PRDM8: variants seen among roughly 807,000 people sequenced by gnomAD.
The protein encoded by PRDM8 is PR domain zinc finger protein 8.
A neutral mutation model predicts 46.5 loss-of-function variants in PRDM8; 13 were observed. The ratio of observed to expected loss-of-function variants is 0.28; its 90% CI spans 0.18 to 0.44. PRDM8 has a LOEUF of 0.44. Ranked by LOEUF, PRDM8 falls within the 20% of genes least tolerant of loss-of-function variation. The pLI is 1.00. For missense variants in PRDM8, 998 were observed against 955.0 expected (o/e 1.04, Z -0.59); for synonymous variants, 473 against 438.4 (o/e 1.08, Z -0.98).
Position 80,201,413 on chromosome 4 carries a change from C to A in PRDM8, c.343C>A (p.Arg115Ser). ...AYIKNGQLFYRSLRRIAKDEE... is the reference protein window; with the variant it reads ...AYIKNGQLFYSSLRRIAKDEE... Reference sequence around the variant, plus strand: ...CATAAAAAACGGACAGCTGTTCTACCGCTCTCTCCGCAGGATTGCCAAAGA... The same window carrying A: ...CATAAAAAACGGACAGCTGTTCTACAGCTCTCTCCGCAGGATTGCCAAAGA... The change falls in exon 3 of 4, where the codon CGC becomes AGC. Residue 115 changes from arginine (R) to serine (S), a missense_variant. Transcript: ENST00000415738. 1.2e-6 allele frequency: 2 copies of A among 1,614,214 alleles called. No individual in the cohort carries two copies. The highest frequency in any genetic ancestry group is 1.7e-6 in the Non-Finnish European group (2 of 1,180,038).
chr4:80,191,020 C>A (rs975963412), intron 1 of PRDM8, among the ~76,000 whole-genome samples: 2 of 152,190 alleles, frequency 1.3e-5, no homozygotes, highest in South Asian at 2.1e-4. Flanking sequence ...GAAATATATT[C>A]TTTATAGCTA....
chr4:80,202,541 G>A lies in PRDM8; in HGVS notation c.1079G>A (p.Ser360Asn). The A allele has an allele frequency of 6.5e-7, 1 of 1,535,764 alleles. No homozygotes were observed. Among genetic ancestry groups the A allele is most frequent in the Non-Finnish European group, 8.7e-7 (1 of 1,146,444 alleles). The change falls in exon 4 of 4, where the codon AGC becomes AAC. Residue 360 changes from serine to asparagine, a missense_variant. Transcript: ENST00000415738. The part of the protein sequence containing the change: ...CTPQQYRASG[S>N]YFGLEENGRL... ...CCGCAGCAGTACCGAGCCTCGGGCA[G>A]CTACTTCGGCCTGGAAGAGAACGGC...
upstream of PRDM8, among the ~76,000 whole-genome samples, chr4:80,192,919 TAAC>T (rs1737662288): frequency 6.6e-6 from 1 of 152,144 alleles, no homozygotes; most frequent in African/African-American, 2.4e-5. Flanking sequence ...AGGAAGATAA[TAAC>T]ATACAGCTTT....
intron 1 of PRDM8, among the ~76,000 whole-genome samples, chr4:80,186,998 G>T (rs1737146457): frequency 6.6e-6 from 1 of 152,156 alleles, no homozygotes; most frequent in African/African-American, 2.4e-5. Context: ...TTATGGAAAA[G>T]GACTTTATCA....
At position 80,202,938 on chromosome 4, in the gene PRDM8, C is replaced by A; in HGVS notation, c.1476C>A (p.Ala492=). The A allele has an allele frequency of 7.6e-6, 11 of 1,455,728 alleles. No individual in the cohort carries two copies. Among genetic ancestry groups the A allele is most frequent in the Non-Finnish European group, 9.9e-6 (11 of 1,110,806 alleles). The allele number at this position is 1,455,728 out of a possible 1,614,324, so 90.2% of individuals were successfully genotyped here. A position where few individuals can be genotyped will look rare whatever the true frequency, so the allele number is the denominator to read the frequency against. Residue 492 remains alanine, a synonymous_variant, in exon 4 of 4, where the codon GCC becomes GCA. Coordinates refer to ENST00000415738, the MANE Select transcript of PRDM8 (RefSeq NM_001099403.2). ...GCGGCGCGGGCGGGGGCCAGGGCGC[C>A]GCGTCGGACGAGCGCAAAAGCGCCT... ...AAGGAGGGQG[A]ASDERKSAFS... is the part of the protein sequence containing the mutation.
rs765891371 is a variant in PRDM8, at chr4:80,200,074, T to A, written c.-2-5T>A. The A allele has an allele frequency of 6.2e-7, 1 of 1,608,698 alleles. No individual in the cohort carries two copies. The highest frequency in any genetic ancestry group is 2.2e-5 in the East Asian group (1 of 44,852). On this transcript the variant is annotated splice_region_variant and splice_polypyrimidine_tract_variant and intron_variant, in intron 1 of 3. Transcript: ENST00000415738. ...CACTTTCTTGTGCTGTGTGTCTATCTCCAGTGATGGAGGATACTGGCATCC... is the reference window on the plus strand; with the variant it reads ...CACTTTCTTGTGCTGTGTGTCTATCACCAGTGATGGAGGATACTGGCATCC...
chr4:80,195,133 A>G (rs1035122987), upstream of PRDM8, among the ~76,000 whole-genome samples: 1 of 152,186 alleles, frequency 6.6e-6, no homozygotes, highest in Non-Finnish European at 1.5e-5. Flanking sequence ...TTCCTGAAAG[A>G]TAAAATTCCA....
chr4:80,196,431 T>C (rs920176700), upstream of PRDM8: 4 of 985,434 alleles, frequency 4.1e-6, no homozygotes, highest in Middle Eastern at 1.0e-3. Context: ...AGGAGTCAAC[T>C]TGCAGGCTGT....
upstream of PRDM8, among the ~76,000 whole-genome samples, chr4:80,195,468 A>G (rs1442245531): frequency 6.6e-6 from 1 of 151,956 alleles, no homozygotes. Context: ...CATTCTTTAA[A>G]GAAGTATTAG....
At position 80,203,675 on chromosome 4, in the gene PRDM8, C is replaced by T. The variant is rs1738764579; in HGVS notation, c.*143C>T. 7.2e-7 allele frequency: 1 copy of T among 1,389,434 alleles called. No homozygotes were observed. The highest frequency in any genetic ancestry group is 9.4e-7 in the Non-Finnish European group (1 of 1,067,078). 86.1% of individuals were successfully genotyped at this position (1,389,434 alleles called of 1,614,324 possible). A position where few individuals can be genotyped will look rare whatever the true frequency, so the allele number is the denominator to read the frequency against. ...TACATTCACCGCCCCCCCGCCCCCCCAACGCGCACACACACGTCCTCTCCT... is the reference window on the plus strand; with the variant it reads ...TACATTCACCGCCCCCCCGCCCCCCTAACGCGCACACACACGTCCTCTCCT... On this transcript the variant is annotated 3_prime_UTR_variant, in exon 4 of 4. Transcript: ENST00000415738.
rs370947658 is a variant in PRDM8, at chr4:80,202,144, T to C, written c.682T>C (p.Cys228Arg). The C allele has an allele frequency of 7.5e-6, 12 of 1,605,432 alleles. No individual in the cohort carries two copies. The South Asian group carries it at 1.1e-4, about 15-fold the overall frequency. ...EAPLGPGPKF[C>R]KAGPLHHYPS... is the part of the protein sequence containing the mutation. ...ACCTTTAGGCCCGGGTCCCAAGTTT[T>C]GCAAAGCCGGCCCCCTCCACCACTA... The change falls in exon 4 of 4, where the codon TGC becomes CGC. Residue 228 changes from cysteine to arginine, a missense_variant. Physicochemically the swap from Cys to Arg is radical, Grantham distance 180 (BLOSUM62 -3). Transcript: ENST00000415738.
upstream of PRDM8, chr4:80,194,217 G>A (rs1012193598): frequency 4.1e-6 from 4 of 982,484 alleles, no homozygotes; most frequent in African/African-American, 7.0e-5. Flanking sequence ...GGACTCCAAA[G>A]AGCCTTGCTA....
chr4:80,202,867 G>T lies in PRDM8; in HGVS notation c.1405G>T (p.Ala469Ser). 2 of 1,251,980 alleles carry T rather than the reference G, an allele frequency of 1.6e-6. No individual in the cohort carries two copies. The highest frequency in any genetic ancestry group is 1.6e-5 in the African/African-American group (1 of 63,718). 77.6% of individuals were successfully genotyped at this position (1,251,980 alleles called of 1,614,324 possible). A position where few individuals can be genotyped will look rare whatever the true frequency, so the allele number is the denominator to read the frequency against. Residue 469 changes from alanine (A) to serine (S), a missense_variant, in exon 4 of 4, where the codon GCG becomes TCG. Physicochemically the swap from Ala to Ser is moderately conservative, Grantham distance 99. Transcript: ENST00000415738. ...AFTSVPQLGS[A>S]GSTSGGGGTG... ...CACTTCGGTGCCGCAGCTGGGCAGC[G>T]CGGGCAGCACCAGCGGTGGGGGCGG...
intron 1 of PRDM8, among the ~76,000 whole-genome samples, chr4:80,185,917 G>A (rs1303820451): frequency 6.6e-6 from 1 of 152,212 alleles, no homozygotes; most frequent in African/African-American, 2.4e-5. Context: ...ATTAGCTTTA[G>A]GAACAGACGG....
rs1162764125 is a variant in PRDM8, at chr4:80,202,689, C to G, written c.1227C>G (p.Val409=). ...QEEGTADGAG[V]ASEDQDAGGG... is the part of the protein sequence containing the mutation. ...AGGGGACAGCCGACGGCGCGGGAGTCGCCTCCGAGGACCAGGACGCTGGCG... is the reference window on the plus strand; with the variant it reads ...AGGGGACAGCCGACGGCGCGGGAGTGGCCTCCGAGGACCAGGACGCTGGCG... Residue 409 remains valine (V), a synonymous_variant, in exon 4 of 4, where the codon GTC becomes GTG. Transcript: ENST00000415738. 12 of 1,402,924 alleles carry G rather than the reference C, an allele frequency of 8.6e-6. No individual in the cohort carries two copies. Among genetic ancestry groups the G allele is most frequent in the Non-Finnish European group, 1.0e-5 (11 of 1,083,866 alleles). 86.9% of individuals were successfully genotyped at this position (1,402,924 alleles called of 1,614,324 possible).
chr4:80,193,393 G>A (rs1017794387), upstream of PRDM8, among the ~76,000 whole-genome samples: 1 of 151,598 alleles, frequency 6.6e-6, no homozygotes, highest in Non-Finnish European at 1.5e-5. Context: ...GGCTCTTCTC[G>A]ACTCACCAAA....
chr4:80,203,347 A>G lies in PRDM8; in HGVS notation c.1885A>G (p.Lys629Glu). 6.2e-7 allele frequency: 1 copy of G among 1,613,936 alleles called. No homozygotes were observed. Among genetic ancestry groups the G allele is most frequent in the Non-Finnish European group, 8.5e-7 (1 of 1,179,976 alleles). Residue 629 changes from lysine (K) to glutamate (E), a missense_variant, in exon 4 of 4, where the codon AAG becomes GAG. Physicochemically the swap from Lys to Glu is moderately conservative, Grantham distance 56. Transcript: ENST00000415738. ...TCTGCCCGCGCAGAACTGGTGCGCCAAGTGCAATGCCTCCTTCCGCATGAC... is the reference window on the plus strand; with the variant it reads ...TCTGCCCGCGCAGAACTGGTGCGCCGAGTGCAATGCCTCCTTCCGCATGAC... ...LCLPAQNWCA[K>E]CNASFRMTSD... is the part of the protein sequence containing the mutation.
chr4:80,194,809 C>T (rs184408336), upstream of PRDM8, among the ~76,000 whole-genome samples: 1,221 of 152,286 alleles, frequency 8.0e-3, 14 homozygotes, highest in Non-Finnish European at 0.011. Flanking sequence ...TGGCCAGATT[C>T]TCAATAAATT....
chr4:80,193,421 A>T (rs958275048), upstream of PRDM8, among the ~76,000 whole-genome samples: 4 of 152,140 alleles, frequency 2.6e-5, no homozygotes, highest in Admixed American at 6.5e-5. Flanking sequence ...ACAAACAAAC[A>T]AACCCCTCTG....
Sources: gnomAD v4.1 joint callset for allele counts (sites outside exome capture counted in the v4.1 genomes callset) on GRCh38, gnomAD v4.1.1 for gene constraint, MANE v1.5 for transcripts, NCBI Gene and HGNC (gene_info 2026-07-23, HGNC 2026-07-21) for gene names.